ITFG1: variants seen among roughly 807,000 people sequenced by gnomAD.
The protein encoded by ITFG1 is T-cell immunomodulatory protein.
A neutral mutation model predicts 81.8 loss-of-function variants in ITFG1; 34 were observed. The observed-to-expected ratio is 0.42, with a 90% confidence interval of 0.32 to 0.55. ITFG1 has a LOEUF of 0.55. Among genes scored for constraint, ITFG1 ranks in the 20% least tolerant of loss-of-function variants. The pLI, the probability that ITFG1 is intolerant of heterozygous loss-of-function variation, is 0.17. For missense variants in ITFG1, 672 were observed against 755.4 expected, an observed-to-expected ratio of 0.89 and a Z score of 1.29; for synonymous variants, 285 against 270.6, an observed-to-expected ratio of 1.05 and a Z score of -0.52.
intron 8 of ITFG1, among the ~76,000 whole-genome samples, chr16:47,324,862 T>TA (rs1491453135): frequency 1.3e-5 from 2 of 152,168 alleles, no homozygotes; most frequent in Admixed American, 6.5e-5. Flanking sequence ...CGAAGAGACT[T>TA]AGACTCCCAC....
chr16:47,459,616 A>G (rs935362995), intron 1 of ITFG1, among the ~76,000 whole-genome samples: 3 of 152,250 alleles, frequency 2.0e-5, no homozygotes, highest in Non-Finnish European at 4.4e-5. Context: ...TAGATATCTG[A>G]CAAAGACATA....
intron 12 of ITFG1, among the ~76,000 whole-genome samples, chr16:47,249,273 G>C (rs1266568558): frequency 1.3e-5 from 2 of 152,052 alleles, no homozygotes; most frequent in Admixed American, 6.6e-5. Flanking sequence ...ACAAAAATTA[G>C]CTGAGTGTGG....
At chr16:47,170,653 C>T (rs1964946943) in intron 14 of ITFG1, among the ~76,000 whole-genome samples, 1 of 151,126 alleles carries the variant, frequency 6.6e-6, no homozygotes, top group Non-Finnish European at 1.5e-5. Flanking sequence ...CGATCTCAAA[C>T]TCCTGACCTT....
At chr16:47,220,224 G>C (rs985263548) in intron 13 of ITFG1, among the ~76,000 whole-genome samples, 3 of 152,202 alleles carry the variant, frequency 2.0e-5, no homozygotes, top group Non-Finnish European at 2.9e-5. Flanking sequence ...GGTTCTCAAA[G>C]AGTGTTACAA....
chr16:47,413,536 C>T (rs552707888), intron 6 of ITFG1, among the ~76,000 whole-genome samples: 11 of 152,028 alleles, frequency 7.2e-5, no homozygotes, highest in African/African-American at 2.2e-4. Flanking sequence ...CTCTATAAAA[C>T]GTTTAAAAAT....
At chr16:47,292,215 T>C (rs754965008) in intron 10 of ITFG1, among the ~76,000 whole-genome samples, 5 of 152,174 alleles carry the variant, frequency 3.3e-5, no homozygotes, top group Non-Finnish European at 7.3e-5. Context: ...GGTTTCACCA[T>C]GTTGACCAGG....
At chr16:47,191,215 C>T (rs1965288387) in intron 14 of ITFG1, among the ~76,000 whole-genome samples, 1 of 152,084 alleles carries the variant, frequency 6.6e-6, no homozygotes, top group Non-Finnish European at 1.5e-5. Context: ...TTTCAGTTGA[C>T]ATATCTTCAA....
intron 14 of ITFG1, among the ~76,000 whole-genome samples, chr16:47,192,973 G>A (rs919135351): frequency 6.6e-6 from 1 of 152,038 alleles, no homozygotes; most frequent in African/African-American, 2.4e-5. Context: ...CTCTAGCTGC[G>A]GCTTCTACTC....
At chr16:47,387,144 G>A (rs1355825374) in intron 6 of ITFG1, among the ~76,000 whole-genome samples, 1 of 152,204 alleles carries the variant, frequency 6.6e-6, no homozygotes, top group Non-Finnish European at 1.5e-5. Flanking sequence ...ACAGCTGAGT[G>A]TGATCCAGAA....
At chr16:47,292,554 G>GT (rs891689161) in intron 10 of ITFG1, among the ~76,000 whole-genome samples, 20 of 152,056 alleles carry the variant, frequency 1.3e-4, no homozygotes, top group African/African-American at 4.1e-4. Context: ...TACAAGTGCA[G>GT]TTTTTTTTAT....
At chr16:47,202,532 A>C (rs1391828306) in intron 14 of ITFG1, 4 of 152,142 alleles carry the variant, frequency 2.6e-5, no homozygotes, top group African/African-American at 9.7e-5. Flanking sequence ...AATTCTTTCC[A>C]TATTCTACCT....
chr16:47,174,931 A>G (rs1421591864), intron 14 of ITFG1, among the ~76,000 whole-genome samples: 2 of 152,262 alleles, frequency 1.3e-5, no homozygotes, highest in Non-Finnish European at 2.9e-5. Flanking sequence ...AAGAAGATAT[A>G]AGATAAAAGG....
intron 5 of ITFG1, chr16:47,449,538 T>C (rs1969363472): frequency 6.6e-6 from 1 of 152,242 alleles, no homozygotes. Context: ...TGTCAGCTTA[T>C]ATATCTTCAA....
chr16:47,402,839 G>A (rs1288619221), intron 6 of ITFG1, among the ~76,000 whole-genome samples: 1 of 152,090 alleles, frequency 6.6e-6, no homozygotes, highest in Non-Finnish European at 1.5e-5. Flanking sequence ...CTTGTGTGCT[G>A]AAATATAATT....
chr16:47,208,833 C>T (rs975631955), intron 14 of ITFG1, among the ~76,000 whole-genome samples: 7 of 152,106 alleles, frequency 4.6e-5, no homozygotes, highest in Non-Finnish European at 1.0e-4. Context: ...AAGAGTAAAA[C>T]CTTTTGATTG....
intron 14 of ITFG1, among the ~76,000 whole-genome samples, chr16:47,201,503 G>A (rs758843272): frequency 5.3e-5 from 8 of 152,026 alleles, no homozygotes; most frequent in Non-Finnish European, 1.0e-4. Flanking sequence ...CACCGTGCCC[G>A]GCTAGGAGAA....
At chr16:47,414,777 T>C (rs1968854013) in intron 6 of ITFG1, among the ~76,000 whole-genome samples, 2 of 152,204 alleles carry the variant, frequency 1.3e-5, no homozygotes, top group Admixed American at 6.5e-5. Flanking sequence ...ACTTTTGAAC[T>C]GTTTTAATTT....
chr16:47,176,608 A>G (rs61288003), intron 14 of ITFG1, among the ~76,000 whole-genome samples: 22 of 152,350 alleles, frequency 1.4e-4, no homozygotes, highest in African/African-American at 4.3e-4. Flanking sequence ...CTAGCTGCCT[A>G]AGAGAATCAT....
chr16:47,229,277 T>C (rs1017506998), intron 13 of ITFG1, among the ~76,000 whole-genome samples: 4 of 152,050 alleles, frequency 2.6e-5, no homozygotes, highest in Non-Finnish European at 5.9e-5. Context: ...GGAGGAAATA[T>C]TGTCTGAGTG....
Sources: allele counts gnomAD v4.1 joint callset (sites outside exome capture counted in the v4.1 genomes callset), GRCh38; gene constraint gnomAD v4.1.1; transcripts MANE v1.5; gene names NCBI Gene and HGNC (gene_info 2026-07-23, HGNC 2026-07-21).